PTCHD4: variants seen among roughly 807,000 people sequenced by gnomAD.
The protein encoded by PTCHD4 is patched domain containing 4.
A neutral mutation model predicts 58.1 loss-of-function variants in PTCHD4; 33 were observed. The observed-to-expected ratio is 0.57, with a 90% CI of 0.43 to 0.76. The LOEUF (loss-of-function observed/expected upper bound fraction) is 0.76. PTCHD4 is among the 30% of genes least tolerant of loss of function. PTCHD4 has a pLI of 0.00. For synonymous variants in PTCHD4, 478 were observed against 409.6 expected (o/e 1.17, Z -2.02); for missense variants, 1,058 against 1,027.1 (o/e 1.03, Z -0.41).
chr6:47,958,849 A>G (rs547755067), intron 4 of PTCHD4, among the ~76,000 whole-genome samples: 2 of 152,290 alleles, frequency 1.3e-5, no homozygotes, highest in South Asian at 2.1e-4. Flanking sequence ...CATTGGTACT[A>G]TGTACAGAAG....
At chr6:48,099,706 A>G (rs890836555) in intron 1 of PTCHD4, among the ~76,000 whole-genome samples, 3 of 152,204 alleles carry the variant, frequency 2.0e-5, no homozygotes, top group African/African-American at 7.2e-5. Flanking sequence ...GCCTCACTGC[A>G]TGTCTGAAGC....
intron 4 of PTCHD4, among the ~76,000 whole-genome samples, chr6:47,909,976 C>T (rs1201250973): frequency 2.6e-5 from 4 of 152,022 alleles, no homozygotes; most frequent in East Asian, 1.9e-4. Context: ...TTTATATAAA[C>T]GTGTTTGTTT....
intron 3 of PTCHD4, among the ~76,000 whole-genome samples, chr6:48,039,233 C>T (rs1395179559): frequency 6.6e-6 from 1 of 152,084 alleles, no homozygotes; most frequent in Non-Finnish European, 1.5e-5. Context: ...ACCAATAAGG[C>T]TAAGCAAATC....
At chr6:47,980,847 A>G (rs1342669809) in intron 4 of PTCHD4, among the ~76,000 whole-genome samples, 1 of 151,838 alleles carries the variant, frequency 6.6e-6, no homozygotes, top group East Asian at 1.9e-4. Flanking sequence ...AAATAAATAT[A>G]TATATATTTA....
chr6:47,911,538 G>C (rs1248561688), intron 4 of PTCHD4, among the ~76,000 whole-genome samples: 1 of 152,118 alleles, frequency 6.6e-6, no homozygotes, highest in Non-Finnish European at 1.5e-5. Context: ...ACAGTACAAT[G>C]AAGTTGGAGG....
intron 4 of PTCHD4, among the ~76,000 whole-genome samples, chr6:47,917,642 C>T (rs1007815983): frequency 6.6e-6 from 1 of 152,000 alleles, no homozygotes; most frequent in Non-Finnish European, 1.5e-5. Context: ...TTGAGACATT[C>T]GCTGGAGAAA....
intron 4 of PTCHD4, among the ~76,000 whole-genome samples, chr6:47,953,745 T>C (rs1347084209): frequency 6.6e-6 from 1 of 152,158 alleles, no homozygotes; most frequent in Non-Finnish European, 1.5e-5. Context: ...TGAAATAATT[T>C]CCCAGGAAAA....
chr6:48,052,098 T>C (rs1764254543), intron 3 of PTCHD4, among the ~76,000 whole-genome samples: 1 of 152,006 alleles, frequency 6.6e-6, no homozygotes, highest in African/African-American at 2.4e-5. Context: ...GAGAATAGTA[T>C]TCATTGAAAT....
intron 1 of PTCHD4, among the ~76,000 whole-genome samples, chr6:48,079,049 C>A (rs141448333): frequency 4.4e-4 from 63 of 144,404 alleles, no homozygotes; most frequent in African/African-American, 1.6e-3. Flanking sequence ...ACCCGGGAGG[C>A]GGAGCTTGCA....
chr6:47,974,729 T>C (rs1043321834), intron 4 of PTCHD4, among the ~76,000 whole-genome samples: 1 of 152,258 alleles, frequency 6.6e-6, no homozygotes, highest in African/African-American at 2.4e-5. Flanking sequence ...TGTTATTTCT[T>C]GCTGATTTTC....
In PTCHD4 at chr6:48,100,625, C is replaced by A. The variant is rs145285568; in HGVS notation, c.-970+10424G>T. On this transcript the variant is annotated intron_variant, in intron 1 of 4. Coordinates refer to ENST00000339488, the MANE Select transcript of PTCHD4 (RefSeq NM_001384253.1). ...AAGTAGGAGCTGCAAGAATAAGAAGCCTGAGAAAATGATGACAATAAAGAG... is the reference window on the plus strand; with the variant it reads ...AAGTAGGAGCTGCAAGAATAAGAAGACTGAGAAAATGATGACAATAAAGAG... Among the ~76,000 whole-genome samples the A allele has an allele frequency of 4.6e-5, 7 of 152,188 alleles. 1 individual carries two copies. In the South Asian group the frequency reaches 8.3e-4, roughly 18 times the overall value.
intron 4 of PTCHD4, among the ~76,000 whole-genome samples, chr6:47,951,820 A>G (rs985827216): frequency 5.9e-5 from 9 of 152,156 alleles, no homozygotes; most frequent in Non-Finnish European, 5.9e-5. Flanking sequence ...TGAATATATT[A>G]CAATAATCTT....
At chr6:47,893,177 A>AT (rs1367742505) in intron 4 of PTCHD4, among the ~76,000 whole-genome samples, 1 of 151,734 alleles carries the variant, frequency 6.6e-6, no homozygotes, top group Non-Finnish European at 1.5e-5. Flanking sequence ...CGCCCAGCTA[A>AT]TTTTTGTATT....
At chr6:47,888,550 T>A (rs573581821) in intron 4 of PTCHD4, among the ~76,000 whole-genome samples, 1 of 152,220 alleles carries the variant, frequency 6.6e-6, no homozygotes, top group Non-Finnish European at 1.5e-5. Context: ...ATTTTATATA[T>A]ATATCTTAGT....
In PTCHD4 at chr6:48,069,610, G is replaced by C. The variant is rs2113882480; in HGVS notation, c.-653C>G. 6.6e-6 allele frequency among the ~76,000 whole-genome samples: 1 copy of C among 152,322 alleles called. No homozygotes were observed. Among genetic ancestry groups the C allele is most frequent in the Non-Finnish European group, 1.5e-5 (1 of 68,022 alleles). Reference sequence around the variant, plus strand: ...CTGGTGCGTTGGGACCGTCTGGATAGCTTCTTTCCTCTGATGGCTGGAGAG... The same window carrying C: ...CTGGTGCGTTGGGACCGTCTGGATACCTTCTTTCCTCTGATGGCTGGAGAG... On this transcript the variant is annotated 5_prime_UTR_variant, in exon 2 of 5. Coordinates refer to ENST00000339488, the MANE Select transcript of PTCHD4 (RefSeq NM_001384253.1).
chr6:47,887,267 T>A (rs1764221922), intron 4 of PTCHD4, among the ~76,000 whole-genome samples: 1 of 149,944 alleles, frequency 6.7e-6, no homozygotes, highest in Non-Finnish European at 1.5e-5. Flanking sequence ...AATAGAATTA[T>A]TTTATATAAC....
At chr6:48,100,204 A>G (rs1472762213) in intron 1 of PTCHD4, among the ~76,000 whole-genome samples, 3 of 152,220 alleles carry the variant, frequency 2.0e-5, no homozygotes, top group Non-Finnish European at 2.9e-5. Flanking sequence ...AACTGCATCT[A>G]GATACTTAAA....
At chr6:48,007,288 G>A (rs996804887) in intron 4 of PTCHD4, among the ~76,000 whole-genome samples, 1 of 152,010 alleles carries the variant, frequency 6.6e-6, no homozygotes, top group South Asian at 2.1e-4. Flanking sequence ...ACTTAACATG[G>A]CCACAATGAT....
chr6:47,902,993 C>T (rs747750582), intron 4 of PTCHD4, among the ~76,000 whole-genome samples: 1 of 152,078 alleles, frequency 6.6e-6, no homozygotes, highest in African/African-American at 2.4e-5. Flanking sequence ...ATCAAATTTT[C>T]GTGTGTGCAT....
Sources: allele counts gnomAD v4.1 joint callset (sites outside exome capture counted in the v4.1 genomes callset), GRCh38; gene constraint gnomAD v4.1.1; transcripts MANE v1.5; gene names NCBI Gene and HGNC (gene_info 2026-07-23, HGNC 2026-07-21).